Variants in ACTN4 observed in about 807,000 individuals in gnomAD.
The protein encoded by ACTN4 is actinin alpha 4.
Under a neutral mutation model 114.2 loss-of-function variants are expected in ACTN4, and 18 were observed. That is an observed-to-expected ratio of 0.16 (90% confidence interval 0.11 to 0.23). ACTN4 has a LOEUF of 0.23. Ranked by LOEUF, ACTN4 falls within the 10% of genes least tolerant of loss-of-function variation. ACTN4 has a pLI of 1.00. For missense variants in ACTN4, 722 were observed against 1,262.9 expected, an observed-to-expected ratio of 0.57 and a Z score of 6.49; for synonymous variants, 515 against 506.3, an observed-to-expected ratio of 1.02 and a Z score of -0.23.
chr19:38,675,845 G>A (rs531506268), intron 1 of ACTN4, among the ~76,000 whole-genome samples: 1 of 152,322 alleles, frequency 6.6e-6, no homozygotes, highest in African/African-American at 2.4e-5. Context: ...GCCAAGCAGA[G>A]GGCCCCAGTG....
At chr19:38,710,117 C>A in intron 7 of ACTN4, 140 bp from the exon 8 acceptor site, 1 of 861,566 alleles carries the variant, frequency 1.2e-6, no homozygotes, top group Non-Finnish European at 2.0e-6. Context: ...GAGGGTGTGG[C>A]TGAGCCCACC....
rs760882460 is a variant in ACTN4, at chr19:38,659,567, C to T, written c.162+11660C>T. On this transcript the variant is annotated intron_variant, in intron 1 of 20. Coordinates refer to ENST00000252699, the MANE Select transcript of ACTN4 (RefSeq NM_004924.6). ...ACTTTGACCATAAAAATATAAGACT[C>T]ACAGCGCACCGAGTTCTCTTAGCAG... Among the ~76,000 whole-genome samples, 148 of 152,162 alleles carry T rather than the reference C, an allele frequency of 9.7e-4. 1 individual carries two copies. Among genetic ancestry groups the T allele is most frequent in the Non-Finnish European group, 1.9e-3 (131 of 68,036 alleles).
chr19:38,649,515 C>T (rs531337142), intron 1 of ACTN4, among the ~76,000 whole-genome samples: 3 of 152,208 alleles, frequency 2.0e-5, no homozygotes, highest in East Asian at 3.9e-4. Context: ...TTGAACTCTC[C>T]GGGCAGTTTT....
chr19:38,709,217 A>T (rs999426355), intron 6 of ACTN4, among the ~76,000 whole-genome samples, 178 bp from the exon 7 acceptor site: 48 of 152,270 alleles, frequency 3.2e-4, no homozygotes, highest in African/African-American at 1.1e-3. Flanking sequence ...GTGAGTGGGA[A>T]TTGAATTTAT....
intron 1 of ACTN4, among the ~76,000 whole-genome samples, chr19:38,653,906 G>A (rs1025484413): frequency 6.6e-6 from 1 of 152,196 alleles, no homozygotes; most frequent in Non-Finnish European, 1.5e-5. Context: ...ACTGTCATCC[G>A]TGGAGATTTG....
chr19:38,668,536 A>G (rs1274007371), intron 1 of ACTN4, among the ~76,000 whole-genome samples: 3 of 151,994 alleles, frequency 2.0e-5, no homozygotes, highest in Admixed American at 6.6e-5. Context: ...AATACAAAAC[A>G]TTAGCTGGGC....
Position 38,673,597 on chromosome 19 carries a change from TCA to T in ACTN4, c.162+25691_162+25692del, listed in dbSNP as rs1491343892. ...TATATTCATATATATTTATATATATTCATATATATTCATTTATATTTATATAT... is the reference window on the plus strand; with the variant it reads ...TATATTCATATATATTTATATATATTTATATATTCATTTATATTTATATAT... On this transcript the variant is annotated intron_variant, in intron 1 of 20. Coordinates refer to ENST00000252699, the MANE Select transcript of ACTN4 (RefSeq NM_004924.6). 2.2e-3 allele frequency among the ~76,000 whole-genome samples: 185 copies of T among 82,532 alleles called. 3 individuals are homozygous for T. Among genetic ancestry groups the T allele is most frequent in the South Asian group, 0.011 (33 of 2,920 alleles). 54.1% of individuals were successfully genotyped at this position (82,532 alleles called of 152,430 possible).
In ACTN4 at chr19:38,724,472, G is replaced by A. The variant is rs1314840744; in HGVS notation, c.1917G>A (p.Glu639=). 4 of 1,613,602 alleles carry A rather than the reference G, an allele frequency of 2.5e-6. No homozygotes were observed. The Admixed American group carries it at 5.0e-5, about 20-fold the overall frequency. The part of the protein sequence containing the change: ...LVPKRDHALL[E]EQSKQQSNEH... ...CAAAACGGGACCATGCCCTCCTGGA[G>A]GAGCAGAGCAAGCAGCAGTCCAACG... The change falls in exon 16 of 21, where the codon GAG becomes GAA. Residue 639 remains glutamate, a synonymous_variant. Coordinates refer to ENST00000252699, the MANE Select transcript of ACTN4 (RefSeq NM_004924.6). The surrounding 1 kb of genome is among the most constrained non-coding windows in gnomAD (Gnocchi z 7.0).
chr19:38,673,629 ATATATATTTATATATATT>A (rs1568690228), intron 1 of ACTN4, among the ~76,000 whole-genome samples: 4 of 50,280 alleles, frequency 8.0e-5, no homozygotes, highest in African/African-American at 2.5e-4. Flanking sequence ...ATATATATTC[ATATATATTTATATATATT>A]TATATATTTA....
chr19:38,684,347 T>C (rs1967672567), intron 1 of ACTN4, among the ~76,000 whole-genome samples: 1 of 152,192 alleles, frequency 6.6e-6, no homozygotes, highest in Admixed American at 6.5e-5. Context: ...CTCGGTCCTC[T>C]TCCCATGGTG....
intron 1 of ACTN4, among the ~76,000 whole-genome samples, chr19:38,666,229 C>T (rs987775214): frequency 1.4e-4 from 22 of 151,982 alleles, no homozygotes; most frequent in African/African-American, 1.2e-4. Context: ...CCTGTCCCCC[C>T]CAAAAGCAAT....
At position 38,727,214 on chromosome 19, in the gene ACTN4, G is replaced by T. The variant is rs996119451; in HGVS notation, c.2337+111G>T. 36 of 1,504,966 alleles carry T rather than the reference G, an allele frequency of 2.4e-5. 1 individual carries two copies. In the Admixed American group the frequency reaches 4.1e-4, roughly 17 times the overall value. The allele number at this position is 1,504,966 out of a possible 1,614,324, so 93.2% of individuals were successfully genotyped here. A position where few individuals can be genotyped will look rare whatever the true frequency, so the allele number is the denominator to read the frequency against. On this transcript the variant is annotated intron_variant, in intron 18 of 20. Transcript: ENST00000252699. The surrounding 1 kb of genome is among the most constrained non-coding windows in gnomAD (Gnocchi z 5.4). ...TTCCCATCACAGTTGCTGAGCGTCG[G>T]CCGCCACTCCCAGGGCCAGCAGGGC... is the stretch of plus-strand genomic sequence containing the variant.
At position 38,714,139 on chromosome 19, in the gene ACTN4, T is replaced by C. The variant is rs557573029; in HGVS notation, c.820-330T>C. 8.5e-5 allele frequency among the ~76,000 whole-genome samples: 13 copies of C among 152,230 alleles called. No individual in the cohort carries two copies. In the South Asian group the frequency reaches 1.5e-3, roughly 17 times the overall value. ...CCCACCGGGAGAGACTCCTCCGCAG[T>C]CTTAGGTCCAACGCAGCCGACCCGT... On this transcript the variant is annotated intron_variant, in intron 8 of 20. Coordinates refer to ENST00000252699, the MANE Select transcript of ACTN4 (RefSeq NM_004924.6).
chr19:38,689,573 C>G lies in ACTN4; in HGVS notation c.163-11027C>G, dbSNP rs143389952. Among the ~76,000 whole-genome samples the G allele has an allele frequency of 3.3e-3, 503 of 151,928 alleles. 5 individuals are homozygous for G. Among genetic ancestry groups the G allele is most frequent in the African/African-American group, 0.011 (464 of 41,426 alleles). On this transcript the variant is annotated intron_variant, in intron 1 of 20. Coordinates refer to ENST00000252699, the MANE Select transcript of ACTN4 (RefSeq NM_004924.6). ...AGTGCAGTGGCGCTGTCATAGCTCA[C>G]TGTAGCCTCGAATTCCCAGGCTTAA...
At chr19:38,725,999 CTGT>C in intron 17 of ACTN4, 96 bp downstream of exon 17, 1 of 1,503,244 alleles carries the variant, frequency 6.7e-7, no homozygotes. Context: ...TGTCTGCTGT[CTGT>C]TGTTTTTCAC....
intron 1 of ACTN4, among the ~76,000 whole-genome samples, chr19:38,654,902 C>G (rs1339372680): frequency 2.0e-5 from 3 of 152,066 alleles, no homozygotes; most frequent in Non-Finnish European, 4.4e-5. Flanking sequence ...GTGATTTATG[C>G]AAGTGTTATC....
At chr19:38,662,278 A>T (rs1377006505) in intron 1 of ACTN4, among the ~76,000 whole-genome samples, 1 of 152,186 alleles carries the variant, frequency 6.6e-6, no homozygotes, top group Non-Finnish European at 1.5e-5. Flanking sequence ...TGGGCTATTG[A>T]TAGACACTCC....
chr19:38,722,951 G>A (rs566266135), intron 12 of ACTN4, among the ~76,000 whole-genome samples: 1 of 152,218 alleles, frequency 6.6e-6, no homozygotes, highest in Non-Finnish European at 1.5e-5. Context: ...GAATTACAGA[G>A]GCCTGTGGAC....
At chr19:38,722,207 C>T (rs1489585230) in intron 12 of ACTN4, among the ~76,000 whole-genome samples, 1 of 152,148 alleles carries the variant, frequency 6.6e-6, no homozygotes, top group Non-Finnish European at 1.5e-5. Flanking sequence ...ACAATTAGTA[C>T]GCTGAGGGTC....
Sources: gnomAD v4.1 joint callset for allele counts (sites outside exome capture counted in the v4.1 genomes callset) on GRCh38, gnomAD v4.1.1 for gene constraint, Gnocchi (gnomAD v3.1) non-coding constraint, MANE v1.5 for transcripts, NCBI Gene and HGNC (gene_info 2026-07-23, HGNC 2026-07-21) for gene names.